The following SYNE2 variants were observed in gnomAD, a reference collection of about 807,000 sequenced individuals.
SYNE2 encodes spectrin repeat containing nuclear envelope protein 2, also known as nesprin-2.
A neutral mutation model predicts 856.3 loss-of-function variants in SYNE2; 431 were observed. The observed-to-expected ratio is 0.50, with a 90% CI of 0.47 to 0.55. The LOEUF (loss-of-function observed/expected upper bound fraction) is 0.55. Ranked by LOEUF, SYNE2 falls within the 20% of genes least tolerant of loss-of-function variation. The pLI is 0.00. For missense variants in SYNE2, 8,129 were observed against 8,023.2 expected (o/e 1.01, Z -0.50); for synonymous variants, 2,923 against 2,872.3 (o/e 1.02, Z -0.56).
chr14:63,980,078 A>G (rs1005150659), intron 14 of SYNE2, among the ~76,000 whole-genome samples: 3 of 152,134 alleles, frequency 2.0e-5, no homozygotes, highest in Non-Finnish European at 4.4e-5. Context: ...GAGTATTTCT[A>G]TTTCTTTTTC....
intron 32 of SYNE2, among the ~76,000 whole-genome samples, chr14:64,011,432 T>C (rs1735127144): frequency 6.6e-6 from 1 of 152,190 alleles, no homozygotes; most frequent in Non-Finnish European, 1.5e-5. Flanking sequence ...TCTGGTTTCC[T>C]AGGTTCTTAG....
At chr14:63,899,618 C>T (rs1456973232) in intron 1 of SYNE2, among the ~76,000 whole-genome samples, 2 of 152,200 alleles carry the variant, frequency 1.3e-5, no homozygotes, top group Admixed American at 1.3e-4. Context: ...CCTCCTGCCT[C>T]AGCCTCCCAA....
intron 1 of SYNE2, among the ~76,000 whole-genome samples, chr14:63,769,623 C>T (rs996518007): frequency 1.4e-5 from 2 of 140,894 alleles, no homozygotes; most frequent in East Asian, 2.2e-4. Context: ...GAGTCGAGAT[C>T]GCGCCACTGC....
Position 64,093,367 on chromosome 14 carries a change from A to C in SYNE2, c.11995A>C (p.Asn3999His). ...ELLKVVIKQT[N>H]EWDEEIENLK... ...TTTATAGGTAGTCATAAAACAGACC[A>C]ATGAATGGGATGAAGAAATAGAAAA... Residue 3999 changes from asparagine to histidine, a missense_variant, in exon 61 of 116, where the codon AAT becomes CAT. By Grantham distance (68) the Asn-to-His change is moderately conservative. Coordinates refer to ENST00000555002, the MANE Select transcript of SYNE2 (RefSeq NM_182914.3). 6.2e-7 allele frequency: 1 copy of C among 1,614,074 alleles called. No individual in the cohort carries two copies. Among genetic ancestry groups the C allele is most frequent in the Non-Finnish European group, 8.5e-7 (1 of 1,179,906 alleles).
At position 64,165,345 on chromosome 14, in the gene SYNE2, A is replaced by T; in HGVS notation, c.16540A>T (p.Met5514Leu). The T allele has an allele frequency of 2.5e-6, 4 of 1,613,590 alleles. No homozygotes were observed. The highest frequency in any genetic ancestry group is 3.4e-6 in the Non-Finnish European group (4 of 1,179,540). The change falls in exon 90 of 116, where the codon ATG becomes TTG. Residue 5514 changes from methionine (M) to leucine (L), a missense_variant. Transcript: ENST00000555002. Reference sequence around the variant, plus strand: ...GCTGGAATCTTTAAAAGGTCTTATTATGCATGAAGAAGAGAATTTGGATAG... The same window carrying T: ...GCTGGAATCTTTAAAAGGTCTTATTTTGCATGAAGAAGAGAATTTGGATAG... The part of the protein sequence containing the change: ...VRLESLKGLI[M>L]HEEENLDRLH...
At chr14:64,198,883 ACTC>A (rs1484927637) in intron 99 of SYNE2, among the ~76,000 whole-genome samples, 2 of 152,080 alleles carry the variant, frequency 1.3e-5, no homozygotes, top group African/African-American at 2.4e-5. Flanking sequence ...AACATCATTT[ACTC>A]CTTCAACAGC....
chr14:64,195,466 T>G (rs1054374950), intron 99 of SYNE2, among the ~76,000 whole-genome samples: 2 of 152,210 alleles, frequency 1.3e-5, no homozygotes, highest in African/African-American at 4.8e-5. Flanking sequence ...CGTATGACCT[T>G]GAAGATTAGC....
At chr14:64,220,944 T>C (rs1299993027) in intron 111 of SYNE2, among the ~76,000 whole-genome samples, 1 of 152,098 alleles carries the variant, frequency 6.6e-6, no homozygotes, top group Non-Finnish European at 1.5e-5. Flanking sequence ...CCAGAGTGAT[T>C]AAGAGACCTG....
At chr14:64,065,959 T>C (rs1392168851) in intron 51 of SYNE2, among the ~76,000 whole-genome samples, 1 of 152,230 alleles carries the variant, frequency 6.6e-6, no homozygotes, top group Non-Finnish European at 1.5e-5. Flanking sequence ...TAACTGTCTC[T>C]ACATTATACT....
At chr14:64,030,938 G>A in intron 44 of SYNE2, 78 bp from the exon 45 acceptor site, 1 of 1,119,906 alleles carries the variant, frequency 8.9e-7, no homozygotes, top group South Asian at 1.3e-5. Flanking sequence ...TGAAGCAAGA[G>A]TACTCTGTGA....
chr14:64,094,943 T>A (rs1166986027), intron 61 of SYNE2: 1 of 168,150 alleles, frequency 5.9e-6, no homozygotes, highest in Non-Finnish European at 1.5e-5. Context: ...AGAAGTAACA[T>A]TTTTTTAAAG....
intron 2 of SYNE2, among the ~76,000 whole-genome samples, chr14:63,917,867 T>C (rs937765785): frequency 1.3e-5 from 2 of 152,170 alleles, no homozygotes; most frequent in African/African-American, 4.8e-5. Context: ...AATTTTTTTT[T>C]TTTTTAGCTT....
intron 2 of SYNE2, among the ~76,000 whole-genome samples, chr14:63,929,006 T>A (rs1182839036): frequency 1.3e-5 from 2 of 152,128 alleles, no homozygotes; most frequent in Admixed American, 1.3e-4. Context: ...ACCACAGGGA[T>A]GTTAGGAACA....
At chr14:63,851,148 G>A (rs952662328), upstream of SYNE2, among the ~76,000 whole-genome samples, 1 of 152,052 alleles carries the variant, frequency 6.6e-6, no homozygotes, top group African/African-American at 2.4e-5. Context: ...GGATCACGAG[G>A]TCAGGAGTTC....
intron 98 of SYNE2, 46 bp from the exon 99 acceptor site, chr14:64,190,025 A>G: frequency 6.3e-7 from 1 of 1,581,830 alleles, no homozygotes; most frequent in Non-Finnish European, 8.7e-7. Flanking sequence ...AGAAGAAATG[A>G]GTTTGGGCTA....
chr14:63,946,005 C>A (rs1353260341), intron 6 of SYNE2, among the ~76,000 whole-genome samples: 1 of 152,170 alleles, frequency 6.6e-6, no homozygotes, highest in Non-Finnish European at 1.5e-5. Context: ...AACAGTTAAT[C>A]AAAGTGGTTG....
chr14:63,890,100 C>T (rs1353716340), intron 1 of SYNE2, among the ~76,000 whole-genome samples: 2 of 140,546 alleles, frequency 1.4e-5, no homozygotes, highest in Admixed American at 7.6e-5. Context: ...TCTGTCACCT[C>T]GGCTGTATGG....
chr14:64,219,124 T>TTA lies in SYNE2; in HGVS notation c.19658-84_19658-83insTA, dbSNP rs369808458. The TTA allele has an allele frequency of 0.026, 21,809 of 836,408 alleles. 351 individuals carry two copies. The highest frequency in any genetic ancestry group is 0.062 in the African/African-American group (3,350 of 53,694). The allele number at this position is 836,408 out of a possible 1,614,324, so 51.8% of individuals were successfully genotyped here. A position where few individuals can be genotyped will look rare whatever the true frequency, so the allele number is the denominator to read the frequency against. On this transcript the variant is annotated intron_variant, in intron 109 of 115. Transcript: ENST00000555002. ...TTTTTGTTTTTTTTTTTTTTTTTTT[T>TTA]AACCACCCTGACCCCTAATTAGCTG... is the stretch of plus-strand genomic sequence containing the variant.
Position 64,049,844 on chromosome 14 carries a change from A to C in SYNE2, c.7611A>C (p.Lys2537Asn), listed in dbSNP as rs779761408. ...EYLAAVESSM[K>N]ALLTDKESLK... ...TTGCTGCAGTTGAATCTTCAATGAA[A>C]GCCTTGTTGACAGACAAGGAAAGTC... The change falls in exon 47 of 116, where the codon AAA (lysine) becomes AAC (asparagine). Residue 2537 changes from lysine (K) to asparagine (N), a missense_variant. This residue lies in a region of SYNE2 where 5,410 missense variants were observed against 5,284.8 expected (regional missense o/e 1.02). Transcript: ENST00000555002. 6.2e-7 allele frequency: 1 copy of C among 1,614,142 alleles called. No individual in the cohort carries two copies.
Sources: gnomAD v4.1 joint callset for allele counts (sites outside exome capture counted in the v4.1 genomes callset) on GRCh38, gnomAD v4.1.1 for gene constraint, gnomAD v4.1.1 regional missense constraint, MANE v1.5 for transcripts, NCBI Gene and HGNC (gene_info 2026-07-23, HGNC 2026-07-21) for gene names.